Variants in CSMD3 observed in about 807,000 individuals in gnomAD.
CSMD3 encodes CUB and Sushi multiple domains 3, also known as CUB and sushi domain-containing protein 3.
A neutral mutation model predicts 435.2 loss-of-function variants in CSMD3; 177 were observed. The ratio of observed to expected loss-of-function variants is 0.41; its 90% CI spans 0.36 to 0.46. The LOEUF is 0.46. Among genes scored for constraint, CSMD3 ranks in the 20% least tolerant of loss-of-function variants. CSMD3 has a pLI of 0.34. For missense variants in CSMD3, 4,265 were observed against 4,504.6 expected, an observed-to-expected ratio of 0.95 and a Z score of 1.52; for synonymous variants, 1,656 against 1,520.5, an observed-to-expected ratio of 1.09 and a Z score of -2.07.
intron 13 of CSMD3, among the ~76,000 whole-genome samples, chr8:112,713,691 C>T (rs549913191): frequency 7.9e-5 from 12 of 152,272 alleles, no homozygotes; most frequent in African/African-American, 2.6e-4. Context: ...AGGTCACCTA[C>T]AAGTGGAAGC....
intron 49 of CSMD3, among the ~76,000 whole-genome samples, chr8:112,313,172 T>C (rs565708580): frequency 1.3e-5 from 2 of 152,312 alleles, no homozygotes; most frequent in East Asian, 3.9e-4. Flanking sequence ...ATTGGTTCAG[T>C]ATCAGTAGAC....
chr8:113,269,697 A>G (rs923287194), intron 3 of CSMD3, among the ~76,000 whole-genome samples: 4 of 145,256 alleles, frequency 2.8e-5, no homozygotes, highest in African/African-American at 5.6e-5. Context: ...CTGACAAAAA[A>G]AAGAAGAAAT....
chr8:112,600,177 G>A (rs912506207), intron 22 of CSMD3, among the ~76,000 whole-genome samples: 50 of 151,962 alleles, frequency 3.3e-4, no homozygotes, highest in African/African-American at 1.2e-3. Flanking sequence ...TCAAGACATG[G>A]ATTTAAATTC....
chr8:113,105,121 A>T (rs528483037), intron 4 of CSMD3, among the ~76,000 whole-genome samples: 1 of 152,254 alleles, frequency 6.6e-6, no homozygotes, highest in African/African-American at 2.4e-5. Context: ...TATTTAAATT[A>T]AATCAAGTAA....
chr8:112,503,029 C>G (rs927705674), intron 30 of CSMD3, among the ~76,000 whole-genome samples: 3 of 152,148 alleles, frequency 2.0e-5, no homozygotes, highest in Non-Finnish European at 4.4e-5. Flanking sequence ...CAGAAGTATT[C>G]TAAAACATTA....
At chr8:112,497,987 G>T (rs1821538712) in intron 30 of CSMD3, among the ~76,000 whole-genome samples, 1 of 152,032 alleles carries the variant, frequency 6.6e-6, no homozygotes, top group African/African-American at 2.4e-5. Context: ...GTGGAATTGT[G>T]TCTAAATGTG....
chr8:113,321,852 G>A (rs1460288423), intron 1 of CSMD3, among the ~76,000 whole-genome samples: 1 of 152,118 alleles, frequency 6.6e-6, no homozygotes, highest in Non-Finnish European at 1.5e-5. Flanking sequence ...TGATTGAAAT[G>A]AAAAGCTACA....
intron 5 of CSMD3, among the ~76,000 whole-genome samples, chr8:113,043,845 A>T (rs2087723031): frequency 6.6e-6 from 1 of 152,120 alleles, no homozygotes; most frequent in African/African-American, 2.4e-5. Flanking sequence ...TTGAGAATAA[A>T]GCTGTGATAT....
chr8:112,502,347 A>G (rs1822053641), intron 30 of CSMD3, among the ~76,000 whole-genome samples: 1 of 152,152 alleles, frequency 6.6e-6, no homozygotes, highest in Non-Finnish European at 1.5e-5. Context: ...ATATTTTCCT[A>G]CTAACAAGGC....
Position 112,714,536 on chromosome 8 carries a change from G to T in CSMD3, c.1973-24486C>A, listed in dbSNP as rs189131076. Among the ~76,000 whole-genome samples the T allele has an allele frequency of 4.0e-3, 614 of 152,188 alleles. 3 individuals are homozygous for T. The highest frequency in any genetic ancestry group is 0.014 in the African/African-American group (583 of 41,532). ...TTCAACAACACAGAAAATTAACAAGGATATTCAGGACTTGAAAGCAGCTCT... is the reference window on the plus strand; with the variant it reads ...TTCAACAACACAGAAAATTAACAAGTATATTCAGGACTTGAAAGCAGCTCT... On this transcript the variant is annotated intron_variant, in intron 13 of 70. Coordinates refer to ENST00000297405, the MANE Select transcript of CSMD3 (RefSeq NM_198123.2).
chr8:112,875,910 C>T (rs960041475), intron 10 of CSMD3, among the ~76,000 whole-genome samples: 10 of 152,084 alleles, frequency 6.6e-5, no homozygotes, highest in African/African-American at 2.4e-4. Flanking sequence ...CTTCTGAAGC[C>T]TATTTCTGTC....
intron 1 of CSMD3, among the ~76,000 whole-genome samples, chr8:113,342,556 A>T (rs1482688937): frequency 6.6e-6 from 1 of 152,134 alleles, no homozygotes; most frequent in African/African-American, 2.4e-5. Flanking sequence ...AGACACTAGG[A>T]ACCTTGCAAG....
chr8:113,006,564 A>C (rs1587870402), intron 6 of CSMD3, among the ~76,000 whole-genome samples: 1 of 151,990 alleles, frequency 6.6e-6, no homozygotes, highest in East Asian at 1.9e-4. Context: ...TTCTAAGCAA[A>C]CTCATACAGA....
chr8:113,262,110 A>G (rs551817273), intron 3 of CSMD3, among the ~76,000 whole-genome samples: 3 of 152,206 alleles, frequency 2.0e-5, no homozygotes, highest in African/African-American at 7.2e-5. Context: ...TAGAAGATGC[A>G]TTTATATTAA....
chr8:113,390,469 C>T (rs1484414139), intron 1 of CSMD3, among the ~76,000 whole-genome samples: 1 of 151,814 alleles, frequency 6.6e-6, no homozygotes, highest in African/African-American at 2.4e-5. Context: ...TACTGGACTT[C>T]CTGATTATCT....
At chr8:112,814,853 T>G (rs2079329055) in intron 12 of CSMD3, among the ~76,000 whole-genome samples, 1 of 152,124 alleles carries the variant, frequency 6.6e-6, no homozygotes, top group African/African-American at 2.4e-5. Context: ...CCTGCATTCC[T>G]TAAGACCTAT....
At chr8:112,684,225 T>C (rs2075964030) in intron 15 of CSMD3, among the ~76,000 whole-genome samples, 1 of 152,028 alleles carries the variant, frequency 6.6e-6, no homozygotes, top group Admixed American at 6.6e-5. Flanking sequence ...ATGAAGTATT[T>C]TTTAAAAATT....
intron 17 of CSMD3, 57 bp from the exon 18 acceptor site, chr8:112,656,398 T>A: frequency 3.7e-6 from 5 of 1,350,692 alleles, no homozygotes; most frequent in Non-Finnish European, 4.2e-6. Context: ...TATATGGAAA[T>A]AATGCTTTGG....
chr8:112,897,694 C>CTGTGTG (rs375797134), intron 10 of CSMD3, among the ~76,000 whole-genome samples: 8 of 90,964 alleles, frequency 8.8e-5, no homozygotes, highest in South Asian at 8.9e-4. Context: ...CTCTCTCTCT[C>CTGTGTG]TGTGTGTGTG....
Sources: gnomAD v4.1 joint callset for allele counts (sites outside exome capture counted in the v4.1 genomes callset) on GRCh38, gnomAD v4.1.1 for gene constraint, MANE v1.5 for transcripts, NCBI Gene and HGNC (gene_info 2026-07-23, HGNC 2026-07-21) for gene names.